The following ACACA variants were observed in gnomAD, a reference collection of about 807,000 sequenced individuals.
ACACA encodes the protein acetyl-CoA carboxylase alpha.
A neutral mutation model predicts 296.1 loss-of-function variants in ACACA; 103 were observed. That is an observed-to-expected ratio of 0.35 (90% CI 0.30 to 0.41). The LOEUF (loss-of-function observed/expected upper bound fraction) is 0.41. Ranked by LOEUF, ACACA falls within the 10% of genes least tolerant of loss-of-function variation. The probability of loss-of-function intolerance (pLI) is 1.00; values close to 1 mark genes in which losing one functional copy is unlikely to be tolerated. For missense variants in ACACA, 1,554 were observed against 2,989.7 expected (o/e 0.52, Z 11.20); for synonymous variants, 953 against 1,038.6 (o/e 0.92, Z 1.58).
chr17:37,156,469 ACTCT>A (rs1158226447), intron 42 of ACACA, among the ~76,000 whole-genome samples: 2 of 152,010 alleles, frequency 1.3e-5, no homozygotes, highest in Admixed American at 6.6e-5. Flanking sequence ...ACTATTTTTC[ACTCT>A]CTCAAATCCA....
In ACACA at chr17:37,203,381, C is replaced by T. The variant is rs375851189; in HGVS notation, c.4056+2384G>A. Among the ~76,000 whole-genome samples, 9 of 152,224 alleles carry T rather than the reference C, an allele frequency of 5.9e-5. No individual in the cohort carries two copies. The East Asian group carries it at 1.2e-3, about 20-fold the overall frequency. ...ACTCAAACATGGGCAATTAGTGCCT[C>T]AAAACCTAGGAAGAAACTTTCACAG... On this transcript the variant is annotated intron_variant, in intron 33 of 55. Transcript: ENST00000616317.
At position 37,248,058 on chromosome 17, in the gene ACACA, G is replaced by A. The variant is rs1598305488; in HGVS notation, c.2262C>T (p.Ser754=). ...ACGTAGTATAACTGCTGCCATCATAGGACAAGAGCAGTCCACCGTCACTCA... is the reference window on the plus strand; with the variant it reads ...ACGTAGTATAACTGCTGCCATCATAAGACAAGAGCAGTCCACCGTCACTCA... ...HRLSDGGLLL[S]YDGSSYTTYM... Residue 754 remains serine, a synonymous_variant, in exon 18 of 56, where the codon TCC becomes TCT. Transcript: ENST00000616317. 6.2e-7 allele frequency: 1 copy of A among 1,614,078 alleles called. No homozygotes were observed. Among genetic ancestry groups the A allele is most frequent in the Non-Finnish European group, 8.5e-7 (1 of 1,180,014 alleles).
At position 37,295,475 on chromosome 17, in the gene ACACA, A is replaced by G. The variant is rs754951664; in HGVS notation, c.339-10505T>C. Among the ~76,000 whole-genome samples, 50 of 152,158 alleles carry G rather than the reference A, an allele frequency of 3.3e-4. 1 individual carries two copies. The highest frequency in any genetic ancestry group is 2.8e-3 in the Admixed American group (42 of 15,268). ...AAGCAGGGAAAGAATAAAGCAACAA[A>G]AGCAGAGACTTAACTGAAAATGAAA... On this transcript the variant is annotated intron_variant, in intron 3 of 55. Coordinates refer to ENST00000616317, the MANE Select transcript of ACACA (RefSeq NM_198834.3).
chr17:37,338,799 G>A (rs910010112), intron 2 of ACACA, among the ~76,000 whole-genome samples: 7 of 151,978 alleles, frequency 4.6e-5, no homozygotes, highest in African/African-American at 1.7e-4. Context: ...AATTAGCCAG[G>A]CGTGGCGGTG....
At chr17:37,140,203 C>T (rs530787442) in intron 45 of ACACA, among the ~76,000 whole-genome samples, 1 of 152,256 alleles carries the variant, frequency 6.6e-6, no homozygotes, top group South Asian at 2.1e-4. Context: ...CTCCCACTCT[C>T]AAGATTTATA....
intron 3 of ACACA, among the ~76,000 whole-genome samples, chr17:37,297,161 G>A (rs1442315162): frequency 6.6e-6 from 1 of 151,578 alleles, no homozygotes; most frequent in African/African-American, 2.4e-5. Context: ...CACATTTAAG[G>A]CCGGGCGCGG....
At chr17:37,372,423 A>AG (rs1479515544) in intron 1 of ACACA, among the ~76,000 whole-genome samples, 95 of 152,096 alleles carry the variant, frequency 6.2e-4, no homozygotes, top group African/African-American at 2.1e-3. Flanking sequence ...GAAAAAAAAA[A>AG]AAAAAAAGAG....
rs1422112147 is a variant in ACACA at position 37,113,454 on chromosome 17, A to C, written c.6275-189T>G. ...GACTCCAGAGGATCTTCAAAAGCAC[A>C]AGACAGCAACAGAGAGATGCACTGT... On this transcript the variant is annotated intron_variant, in intron 50 of 55. Transcript: ENST00000616317. This position sits in a 1 kb window ranked among gnomAD's most constrained non-coding sequence, Gnocchi z 4.0. 6.6e-6 allele frequency among the ~76,000 whole-genome samples: 1 copy of C among 152,230 alleles called. No homozygotes were observed. Among genetic ancestry groups the C allele is most frequent in the Non-Finnish European group, 1.5e-5 (1 of 68,044 alleles).
chr17:37,268,153 A>T (rs909651876), intron 10 of ACACA, among the ~76,000 whole-genome samples: 1 of 152,168 alleles, frequency 6.6e-6, no homozygotes, highest in Non-Finnish European at 1.5e-5. Flanking sequence ...CTCATTATAT[A>T]AACCCTCTGT....
chr17:37,353,021 A>T (rs956481338), intron 1 of ACACA, among the ~76,000 whole-genome samples: 1 of 152,222 alleles, frequency 6.6e-6, no homozygotes, highest in Non-Finnish European at 1.5e-5. Flanking sequence ...AACGTACATC[A>T]GATAAAATAT....
At chr17:37,193,702 T>A (rs1032046688) in intron 35 of ACACA, among the ~76,000 whole-genome samples, 3 of 152,088 alleles carry the variant, frequency 2.0e-5, no homozygotes, top group African/African-American at 4.8e-5. Context: ...GTGAAAAAAA[T>A]TTTTTTGCTA....
At chr17:37,122,026 C>T (rs2074550335) in intron 49 of ACACA, among the ~76,000 whole-genome samples, 1 of 152,116 alleles carries the variant, frequency 6.6e-6, no homozygotes, top group African/African-American at 2.4e-5. Flanking sequence ...CATCCCAACA[C>T]TTTGGGAGGC....
intron 41 of ACACA, among the ~76,000 whole-genome samples, chr17:37,175,329 T>C (rs2077069731): frequency 6.6e-6 from 1 of 152,256 alleles, no homozygotes; most frequent in Admixed American, 6.5e-5. Flanking sequence ...CTGAGCTTTT[T>C]AATAACAGGA....
Position 37,192,186 on chromosome 17 carries a change from C to T in ACACA, c.4320G>A (p.Leu1440=). The T allele has an allele frequency of 6.2e-7, 1 of 1,614,068 alleles. No homozygotes were observed. Among genetic ancestry groups the T allele is most frequent in the Admixed American group, 1.7e-5 (1 of 60,006 alleles). Residue 1440 remains leucine (L), a synonymous_variant, in exon 37 of 56, where the codon CTG becomes CTA. Coordinates refer to ENST00000616317, the MANE Select transcript of ACACA (RefSeq NM_198834.3). ...CTTCCACCTTGGCTGCCCCGAGATA[C>T]AGGTGCATCTTGTGATTAGCACATG... The part of the protein sequence containing the change: ...AIPCANHKMH[L]YLGAAKVEVG...
chr17:37,098,292 C>T (rs551393082), intron 52 of ACACA, among the ~76,000 whole-genome samples: 159 of 152,338 alleles, frequency 1.0e-3, no homozygotes, highest in African/African-American at 3.3e-3. Flanking sequence ...TAGAGGCCTG[C>T]TGCATATTGC....
intron 43 of ACACA, among the ~76,000 whole-genome samples, chr17:37,151,631 A>G (rs2076041967): frequency 6.6e-6 from 1 of 152,128 alleles, no homozygotes; most frequent in Admixed American, 6.5e-5. Flanking sequence ...ATGGTTTAAT[A>G]GAAAGAGCGA....
chr17:37,218,003 CTTTA>C (rs898109861), intron 29 of ACACA, among the ~76,000 whole-genome samples: 1 of 151,860 alleles, frequency 6.6e-6, no homozygotes, highest in African/African-American at 2.4e-5. Flanking sequence ...TATACCTTTT[CTTTA>C]TTCTCACTGA....
chr17:37,097,996 T>C lies in ACACA; in HGVS notation c.6566-12A>G, dbSNP rs189535320. On this transcript the variant is annotated splice_polypyrimidine_tract_variant and intron_variant, in intron 52 of 55. Transcript: ENST00000616317. The surrounding 1 kb of genome is among the most constrained non-coding windows in gnomAD (Gnocchi z 4.8). ...TAGCTCTGGGGTCCCTGCAATTAGA[T>C]AAACATGCCCGTCACACTCTGTAAT... 6 of 1,614,164 alleles carry C rather than the reference T, an allele frequency of 3.7e-6. No homozygotes were observed. The highest frequency in any genetic ancestry group is 1.6e-4 in the Middle Eastern group (1 of 6,062).
At chr17:37,210,310 C>G (rs1363486016) in intron 30 of ACACA, among the ~76,000 whole-genome samples, 157 bp downstream of exon 30, 1 of 152,060 alleles carries the variant, frequency 6.6e-6, no homozygotes, top group East Asian at 1.9e-4. Flanking sequence ...GTTTTCCAAA[C>G]AGAAAGAATA....
Sources: gnomAD v4.1 joint callset for allele counts (sites outside exome capture counted in the v4.1 genomes callset) on GRCh38, gnomAD v4.1.1 for gene constraint, Gnocchi (gnomAD v3.1) non-coding constraint, MANE v1.5 for transcripts, NCBI Gene and HGNC (gene_info 2026-07-23, HGNC 2026-07-21) for gene names.